The following KCNQ1OT1 variants were observed in gnomAD, a reference collection of about 807,000 sequenced individuals.
KCNQ1OT1 encodes the protein KCNQ1 antisense RNA 2 (non-protein coding).
In KCNQ1OT1 at chr11:2,642,754, T is replaced by C. The variant is rs1156643518; in HGVS notation, n.57241A>G. 1 of 397,884 alleles carries C rather than the reference T, an allele frequency of 2.5e-6. No individual in the cohort carries two copies. The highest frequency in any genetic ancestry group is 4.4e-5 in the Admixed American group (1 of 22,718). 24.6% of individuals were successfully genotyped at this position (397,884 alleles called of 1,614,324 possible). On this transcript the variant is annotated non_coding_transcript_exon_variant, in exon 1 of 1. Coordinates refer to ENST00000597346, the Ensembl canonical transcript of KCNQ1OT1. The surrounding 1 kb of genome is among the most constrained non-coding windows in gnomAD (Gnocchi z 4.3). ...TTTCTGGTTCCTTCAGGTGTATCAT[T>C]AGATTATTTAAGATCTTTTCTACCT...
rs1404664159 is a variant in KCNQ1OT1, at chr11:2,676,638, CAGAT to C, written n.23353_23356del. On this transcript the variant is annotated non_coding_transcript_exon_variant, in exon 1 of 1. Transcript: ENST00000597346. The surrounding 1 kb of genome is among the most constrained non-coding windows in gnomAD (Gnocchi z 4.2). Reference sequence around the variant, plus strand: ...AGAAATGGGTAGCTTCACAGATTCACAGATAGATAGTTCATTAAGGTCTTGAGTA... The same window carrying C: ...AGAAATGGGTAGCTTCACAGATTCACAGATAGTTCATTAAGGTCTTGAGTA... The C allele has an allele frequency of 1.0e-5, 4 of 398,538 alleles. No individual in the cohort carries two copies. Among genetic ancestry groups the C allele is most frequent in the African/African-American group, 2.1e-5 (1 of 48,626 alleles). The allele number at this position is 398,538 out of a possible 1,614,324, so 24.7% of individuals were successfully genotyped here.
rs1229942664 is a variant in KCNQ1OT1, at chr11:2,682,477, A to AGTGAGTGG, written n.17517_17518insCCACTCAC. ...ACGGACCCTCAGTGAATGTTTGACGAGTGAGTGAGTGAGTGAGTGAGTGAG... is the reference window on the plus strand; with the variant it reads ...ACGGACCCTCAGTGAATGTTTGACGAGTGAGTGGGTGAGTGAGTGAGTGAGTGAGTGAG... On this transcript the variant is annotated non_coding_transcript_exon_variant, in exon 1 of 1. Transcript: ENST00000597346. The surrounding 1 kb of genome is among the most constrained non-coding windows in gnomAD (Gnocchi z 5.8). 2.6e-6 allele frequency: 1 copy of AGTGAGTGG among 378,510 alleles called. No individual in the cohort carries two copies. Among genetic ancestry groups the AGTGAGTGG allele is most frequent in the Non-Finnish European group, 4.7e-6 (1 of 212,344 alleles). The allele number at this position is 378,510 out of a possible 1,614,324, so 23.4% of individuals were successfully genotyped here.
rs1849180872 is a variant in KCNQ1OT1 at position 2,621,972 on chromosome 11, A to G, written n.78023T>C. 1 of 397,996 alleles carries G rather than the reference A, an allele frequency of 2.5e-6. No individual in the cohort carries two copies. 24.7% of individuals were successfully genotyped at this position (397,996 alleles called of 1,614,324 possible). A position where few individuals can be genotyped will look rare whatever the true frequency, so the allele number is the denominator to read the frequency against. On this transcript the variant is annotated non_coding_transcript_exon_variant, in exon 1 of 1. Coordinates refer to ENST00000597346, the Ensembl canonical transcript of KCNQ1OT1. The surrounding 1 kb of genome is among the most constrained non-coding windows in gnomAD (Gnocchi z 5.7). ...GAGGTACAATTTTGGGCTATTTGAA[A>G]TATCTCTTCTTTTTTAATGTAGGCA...
rs2133867853 is a variant in KCNQ1OT1, at chr11:2,670,644, G to A, written n.29351C>T. On this transcript the variant is annotated non_coding_transcript_exon_variant, in exon 1 of 1. Transcript: ENST00000597346. This position sits in a 1 kb window ranked among gnomAD's most constrained non-coding sequence, Gnocchi z 4.9. ...CCTGGATATGCATGGCAGAGGCCAG[G>A]ATGAACCCTGAAGATTGGTAGGAAG... The A allele has an allele frequency of 2.5e-6, 1 of 398,634 alleles. No homozygotes were observed. The highest frequency in any genetic ancestry group is 3.6e-5 in the East Asian group (1 of 28,082). 24.7% of individuals were successfully genotyped at this position (398,634 alleles called of 1,614,324 possible). A position where few individuals can be genotyped will look rare whatever the true frequency, so the allele number is the denominator to read the frequency against.
At position 2,647,250 on chromosome 11, in the gene KCNQ1OT1, T is replaced by G. The variant is rs545162640; in HGVS notation, n.52745A>C. 1.5e-5 allele frequency: 6 copies of G among 398,532 alleles called. No homozygotes were observed. The South Asian group carries it at 7.7e-4, about 51-fold the overall frequency. The allele number at this position is 398,532 out of a possible 1,614,324, so 24.7% of individuals were successfully genotyped here. On this transcript the variant is annotated non_coding_transcript_exon_variant, in exon 1 of 1. Coordinates refer to ENST00000597346, the Ensembl canonical transcript of KCNQ1OT1. The surrounding 1 kb of genome is among the most constrained non-coding windows in gnomAD (Gnocchi z 4.0). ...AGATGATCATGTATTTTTTTGTCCT[T>G]CCTTCTGTTAATGTGATGTATCACA...
rs1253965395 is a variant in KCNQ1OT1 at position 2,608,328 on chromosome 11, T to TA, written n.91666dup. 3 of 398,422 alleles carry TA rather than the reference T, an allele frequency of 7.5e-6. No homozygotes were observed. Among genetic ancestry groups the TA allele is most frequent in the Non-Finnish European group, 1.3e-5 (3 of 226,050 alleles). The allele number at this position is 398,422 out of a possible 1,614,324, so 24.7% of individuals were successfully genotyped here. A position where few individuals can be genotyped will look rare whatever the true frequency, so the allele number is the denominator to read the frequency against. On this transcript the variant is annotated non_coding_transcript_exon_variant, in exon 1 of 1. Transcript: ENST00000597346. This position sits in a 1 kb window ranked among gnomAD's most constrained non-coding sequence, Gnocchi z 4.6. ...CCATTCACATTTTCTACTTATTTCT[T>TA]AGTCAGTTTTCATAGTTTTCATCTT...
exon 1 of KCNQ1OT1, chr11:2,615,701 C>T (rs757338302): frequency 2.5e-5 from 10 of 397,934 alleles, no homozygotes; most frequent in Non-Finnish European, 4.4e-5. Flanking sequence ...TACTCTTGTA[C>T]TGAACCACCC....
exon 1 of KCNQ1OT1, chr11:2,686,186 A>G (rs1396819302): frequency 5.0e-6 from 2 of 398,698 alleles, no homozygotes; most frequent in African/African-American, 2.1e-5. Flanking sequence ...ATGCCTACTC[A>G]TCCTGCCCAA....
At position 2,674,443 on chromosome 11, in the gene KCNQ1OT1, G is replaced by A. The variant is rs890416715; in HGVS notation, n.25552C>T. On this transcript the variant is annotated non_coding_transcript_exon_variant, in exon 1 of 1. Transcript: ENST00000597346. This position sits in a 1 kb window ranked among gnomAD's most constrained non-coding sequence, Gnocchi z 5.9. ...CGCACACGACCACAGAGGCTGGGGGGAGGCACGTGGGGAGGAGGGCTGCCT... is the reference window on the plus strand; with the variant it reads ...CGCACACGACCACAGAGGCTGGGGGAAGGCACGTGGGGAGGAGGGCTGCCT... 3.5e-5 allele frequency: 14 copies of A among 398,558 alleles called. No homozygotes were observed. Among genetic ancestry groups the A allele is most frequent in the African/African-American group, 1.0e-4 (5 of 48,638 alleles). 24.7% of individuals were successfully genotyped at this position (398,558 alleles called of 1,614,324 possible). A position where few individuals can be genotyped will look rare whatever the true frequency, so the allele number is the denominator to read the frequency against.
chr11:2,620,218 TTTTTTA>T lies in KCNQ1OT1; in HGVS notation n.79771_79776del. 1 of 282,758 alleles carries T rather than the reference TTTTTTA, an allele frequency of 3.5e-6. No individual in the cohort carries two copies. Among genetic ancestry groups the T allele is most frequent in the Non-Finnish European group, 6.3e-6 (1 of 158,412 alleles). The allele number at this position is 282,758 out of a possible 1,614,324, so 17.5% of individuals were successfully genotyped here. A position where few individuals can be genotyped will look rare whatever the true frequency, so the allele number is the denominator to read the frequency against. The stretch of plus-strand genomic sequence containing the variant: ...ATTCATGTATATATATATATTTTTT[TTTTTTA>T]TTTTTTTTTTAGACGGAGTTTCGCT... On this transcript the variant is annotated non_coding_transcript_exon_variant, in exon 1 of 1. Transcript: ENST00000597346. This position sits in a 1 kb window ranked among gnomAD's most constrained non-coding sequence, Gnocchi z 4.5.
exon 1 of KCNQ1OT1, chr11:2,656,982 A>G: frequency 5.0e-6 from 2 of 398,596 alleles, no homozygotes; most frequent in East Asian, 3.6e-5. Context: ...TGAAAAGTCC[A>G]TGCTCTTCCC....
chr11:2,611,373 C>A lies in KCNQ1OT1; in HGVS notation n.88622G>T, dbSNP rs182683863. ...TAGCTGGGACTACAGGCATTTGCCA[C>A]CATACCCAGCTAATTTTTAGTAGAG... On this transcript the variant is annotated non_coding_transcript_exon_variant, in exon 1 of 1. Coordinates refer to ENST00000597346, the Ensembl canonical transcript of KCNQ1OT1. This position sits in a 1 kb window ranked among gnomAD's most constrained non-coding sequence, Gnocchi z 5.3. 47 of 397,416 alleles carry A rather than the reference C, an allele frequency of 1.2e-4. 1 individual carries two copies. The highest frequency in any genetic ancestry group is 3.5e-4 in the Admixed American group (8 of 22,708). The allele number at this position is 397,416 out of a possible 1,614,324, so 24.6% of individuals were successfully genotyped here. A position where few individuals can be genotyped will look rare whatever the true frequency, so the allele number is the denominator to read the frequency against.
rs1406053712 is a variant in KCNQ1OT1, at chr11:2,664,277, C to T, written n.35718G>A. On this transcript the variant is annotated non_coding_transcript_exon_variant, in exon 1 of 1. Transcript: ENST00000597346. The surrounding 1 kb of genome is among the most constrained non-coding windows in gnomAD (Gnocchi z 5.1). ...AGAGGGAAAAACAAGGAGGTTGCTG[C>T]AAAGGGGCCACCTTGAGGCATTGTG... 1.5e-5 allele frequency: 6 copies of T among 398,948 alleles called. No homozygotes were observed. Among genetic ancestry groups the T allele is most frequent in the Non-Finnish European group, 2.6e-5 (6 of 226,426 alleles). 24.7% of individuals were successfully genotyped at this position (398,948 alleles called of 1,614,324 possible).
chr11:2,686,146 G>T (rs1438660614), exon 1 of KCNQ1OT1: 2 of 398,760 alleles, frequency 5.0e-6, no homozygotes. Flanking sequence ...TTGCTTCTGG[G>T]GTTTGCTTCG....
rs184479438 is a variant in KCNQ1OT1, at chr11:2,612,839, T to C, written n.87156A>G. 87 of 398,640 alleles carry C rather than the reference T, an allele frequency of 2.2e-4. No homozygotes were observed. The highest frequency in any genetic ancestry group is 1.7e-3 in the African/African-American group (82 of 48,752). 24.7% of individuals were successfully genotyped at this position (398,640 alleles called of 1,614,324 possible). A position where few individuals can be genotyped will look rare whatever the true frequency, so the allele number is the denominator to read the frequency against. The stretch of plus-strand genomic sequence containing the variant: ...TGTTAAAAACTTACTTTAGATAATA[T>C]ATCGTAGAAACTCTGGATTCTAGTT... On this transcript the variant is annotated non_coding_transcript_exon_variant, in exon 1 of 1. Coordinates refer to ENST00000597346, the Ensembl canonical transcript of KCNQ1OT1. This position sits in a 1 kb window ranked among gnomAD's most constrained non-coding sequence, Gnocchi z 5.5.
exon 1 of KCNQ1OT1, chr11:2,635,592 G>T (rs1056398421): frequency 6.6e-6 from 1 of 152,188 alleles, no homozygotes; most frequent in Admixed American, 6.5e-5. Context: ...TAGCCTTGTA[G>T]TATAGTTTGA....
At chr11:2,619,914 T>A in exon 1 of KCNQ1OT1, 1 of 398,420 alleles carries the variant, frequency 2.5e-6, no homozygotes, top group Non-Finnish European at 4.4e-6. Context: ...TTGCATGGTA[T>A]ATGGAGTATA....
rs1435688244 is a variant in KCNQ1OT1 at position 2,668,307 on chromosome 11, T to C, written n.31688A>G. The C allele has an allele frequency of 5.0e-6, 2 of 398,532 alleles. No individual in the cohort carries two copies. Among genetic ancestry groups the C allele is most frequent in the Non-Finnish European group, 8.8e-6 (2 of 226,084 alleles). 24.7% of individuals were successfully genotyped at this position (398,532 alleles called of 1,614,324 possible). Reference sequence around the variant, plus strand: ...TTTGGTGAGCATCAGGTTGCGTTTCTGGGGAATATATGCCTATGTGTGGAG... The same window carrying C: ...TTTGGTGAGCATCAGGTTGCGTTTCCGGGGAATATATGCCTATGTGTGGAG... On this transcript the variant is annotated non_coding_transcript_exon_variant, in exon 1 of 1. Coordinates refer to ENST00000597346, the Ensembl canonical transcript of KCNQ1OT1. The surrounding 1 kb of genome is among the most constrained non-coding windows in gnomAD (Gnocchi z 4.3).
At chr11:2,644,758 T>G in exon 1 of KCNQ1OT1, 1 of 398,636 alleles carries the variant, frequency 2.5e-6, no homozygotes, top group East Asian at 3.6e-5. Flanking sequence ...GGCACTTTGG[T>G]TTTGATTCTG....
Sources: gnomAD v4.1 joint callset for allele counts on GRCh38, gnomAD v4.1.1 for gene constraint, Gnocchi (gnomAD v3.1) non-coding constraint, MANE v1.5 for transcripts, NCBI Gene and HGNC (gene_info 2026-07-23, HGNC 2026-07-21) for gene names.